CHRM3: variants seen among roughly 807,000 people sequenced by gnomAD.
CHRM3 encodes muscarinic acetylcholine receptor M3.
In CHRM3, 11 loss-of-function variants were observed where a neutral mutation model predicts 41.8. The ratio of observed to expected loss-of-function variants is 0.26; its 90% CI spans 0.17 to 0.44. The LOEUF (loss-of-function observed/expected upper bound fraction) is 0.44. Ranked by LOEUF, CHRM3 falls within the 20% of genes least tolerant of loss-of-function variation. CHRM3 has a pLI of 1.00. For synonymous variants in CHRM3, 297 were observed against 301.4 expected, an observed-to-expected ratio of 0.99 and a Z score of 0.15; for missense variants, 571 against 745.4, an observed-to-expected ratio of 0.77 and a Z score of 2.72.
intron 1 of CHRM3, among the ~76,000 whole-genome samples, chr1:239,480,355 T>C (rs1666752016): frequency 6.6e-6 from 1 of 152,150 alleles, no homozygotes; most frequent in Admixed American, 6.5e-5. Flanking sequence ...ATCTATCTTT[T>C]AAGCCCTGTG....
Position 239,907,218 on chromosome 1 carries a change from A to G in CHRM3, c.-19-215A>G, listed in dbSNP as rs567230209. ...GGGAAAAAAGCACAATGTTCAGTGC[A>G]TGCCACCAATTATATAATACTATCT... On this transcript the variant is annotated intron_variant, in intron 6 of 6. Coordinates refer to ENST00000676153, the MANE Select transcript of CHRM3 (RefSeq NM_001375978.1). The surrounding 1 kb of genome is among the most constrained non-coding windows in gnomAD (Gnocchi z 5.4). Among the ~76,000 whole-genome samples, 2 of 152,348 alleles carry G rather than the reference A, an allele frequency of 1.3e-5. No homozygotes were observed. The highest frequency in any genetic ancestry group is 4.1e-4 in the South Asian group (2 of 4,824).
At chr1:239,799,296 G>A (rs191244139) in intron 5 of CHRM3, among the ~76,000 whole-genome samples, 1 of 152,258 alleles carries the variant, frequency 6.6e-6, no homozygotes, top group African/African-American at 2.4e-5. Flanking sequence ...TTGAGACAGA[G>A]CCTGTGGGAA....
chr1:239,674,938 C>G (rs1369648554), intron 4 of CHRM3, among the ~76,000 whole-genome samples: 2 of 152,108 alleles, frequency 1.3e-5, no homozygotes, highest in African/African-American at 4.8e-5. Context: ...ATTATTACTC[C>G]TCCTCGCTGT....
chr1:239,686,865 T>C (rs1389219198), intron 5 of CHRM3, among the ~76,000 whole-genome samples: 2 of 152,162 alleles, frequency 1.3e-5, no homozygotes, highest in Non-Finnish European at 2.9e-5. Context: ...GACTGCCCCA[T>C]TCACCTGTTG....
intron 4 of CHRM3, among the ~76,000 whole-genome samples, chr1:239,674,586 TG>T (rs756206277): frequency 1.3e-5 from 2 of 151,656 alleles, no homozygotes; most frequent in Non-Finnish European, 1.5e-5. Flanking sequence ...GGCGGGCGCC[TG>T]TAGTCCCAGC....
chr1:239,856,556 C>T lies in CHRM3; in HGVS notation c.-20+29178C>T, dbSNP rs76300169. On this transcript the variant is annotated intron_variant, in intron 6 of 6. Transcript: ENST00000676153. ...CCCGTGCAGCCTGCAGAATTGTGAA[C>T]CAATTAAACCTCTTTTCTCTATAAA... Among the ~76,000 whole-genome samples, 636 of 151,858 alleles carry T rather than the reference C, an allele frequency of 4.2e-3. 4 individuals carry two copies. Among genetic ancestry groups the T allele is most frequent in the African/African-American group, 0.015 (600 of 41,200 alleles).
intron 4 of CHRM3, among the ~76,000 whole-genome samples, chr1:239,662,818 A>ACTTCCTCTTCCTCCTCCTCTTCTT (rs1673333470): frequency 8.9e-6 from 1 of 112,940 alleles, no homozygotes; most frequent in South Asian, 2.9e-4. Context: ...CTCCTCCTCC[A>ACTTCCTCTTCCTCCTCCTCTTCTT]CTTCCTCTTC....
At chr1:239,827,818 C>T (rs749105170) in intron 6 of CHRM3, among the ~76,000 whole-genome samples, 10 of 152,074 alleles carry the variant, frequency 6.6e-5, no homozygotes, top group East Asian at 1.9e-4. Context: ...TTAATTCATT[C>T]GAGGCAGTAA....
At chr1:239,760,910 C>T (rs1341052423) in intron 5 of CHRM3, among the ~76,000 whole-genome samples, 2 of 152,176 alleles carry the variant, frequency 1.3e-5, no homozygotes, top group Admixed American at 6.5e-5. Context: ...CTTGTCGTTT[C>T]CATCAGATTT....
At chr1:239,848,704 A>G (rs1295150707) in intron 6 of CHRM3, among the ~76,000 whole-genome samples, 1 of 152,164 alleles carries the variant, frequency 6.6e-6, no homozygotes, top group Non-Finnish European at 1.5e-5. Flanking sequence ...CTGTTCATTT[A>G]TTCAGAAGTC....
At chr1:239,610,933 TC>T (rs1666947030) in intron 3 of CHRM3, among the ~76,000 whole-genome samples, 1 of 151,884 alleles carries the variant, frequency 6.6e-6, no homozygotes, top group Admixed American at 6.6e-5. Context: ...ACACCTGTCA[TC>T]CCAGCTACTC....
chr1:239,513,365 G>A (rs1669051100), intron 2 of CHRM3, among the ~76,000 whole-genome samples: 1 of 151,930 alleles, frequency 6.6e-6, no homozygotes, highest in South Asian at 2.1e-4. Context: ...GTTTTAACTT[G>A]GAATTTCTTA....
At chr1:239,404,409 AAAAAG>A (rs1558195704) in intron 1 of CHRM3, among the ~76,000 whole-genome samples, 1 of 25,554 alleles carries the variant, frequency 3.9e-5, no homozygotes, top group Non-Finnish European at 7.4e-5. Flanking sequence ...AGAAAGAAAG[AAAAAG>A]AAAGAAAGAA....
intron 5 of CHRM3, among the ~76,000 whole-genome samples, chr1:239,741,565 C>T (rs1664850616): frequency 6.6e-6 from 1 of 152,106 alleles, no homozygotes; most frequent in Non-Finnish European, 1.5e-5. Flanking sequence ...GTAGACTGTC[C>T]TAAACCCCAT....
At position 239,735,132 on chromosome 1, in the gene CHRM3, G is replaced by A. The variant is rs193213359; in HGVS notation, c.-147+56844G>A. Among the ~76,000 whole-genome samples the A allele has an allele frequency of 7.6e-4, 115 of 152,252 alleles. 1 individual carries two copies. The highest frequency in any genetic ancestry group is 3.4e-3 in the Middle Eastern group (1 of 294). On this transcript the variant is annotated intron_variant, in intron 5 of 6. Transcript: ENST00000676153. Reference sequence around the variant, plus strand: ...GAGAAAACTTTATCATAAAATCAATGTAACCTGAGGTTAACATCTCTAATG... The same window carrying A: ...GAGAAAACTTTATCATAAAATCAATATAACCTGAGGTTAACATCTCTAATG...
intron 1 of CHRM3, among the ~76,000 whole-genome samples, chr1:239,401,533 C>T (rs1235972800): frequency 6.6e-6 from 1 of 151,624 alleles, no homozygotes; most frequent in Non-Finnish European, 1.5e-5. Context: ...TCTCTGTTGC[C>T]AGGCTGGAGT....
chr1:239,719,667 G>T (rs1662738972), intron 5 of CHRM3: 1 of 151,918 alleles, frequency 6.6e-6, no homozygotes. Flanking sequence ...AAGGGGCAAA[G>T]AATTGCACGA....
At chr1:239,670,773 C>CA (rs1553359349) in intron 4 of CHRM3, among the ~76,000 whole-genome samples, 4 of 151,418 alleles carry the variant, frequency 2.6e-5, no homozygotes, top group Non-Finnish European at 2.9e-5. Flanking sequence ...GGTGATCTAC[C>CA]CCCCCCACCT....
At chr1:239,606,033 T>C (rs1178290228) in intron 3 of CHRM3, 3 of 152,244 alleles carry the variant, frequency 2.0e-5, no homozygotes, top group East Asian at 1.9e-4. Flanking sequence ...AGAGGATTCA[T>C]GAGGGGCAGT....
Sources: gnomAD v4.1 joint callset for allele counts (sites outside exome capture counted in the v4.1 genomes callset) on GRCh38, gnomAD v4.1.1 for gene constraint, Gnocchi (gnomAD v3.1) non-coding constraint, MANE v1.5 for transcripts, NCBI Gene and HGNC (gene_info 2026-07-23, HGNC 2026-07-21) for gene names.